Variants in R3HDM1 observed in about 807,000 individuals in gnomAD.
R3HDM1 encodes the protein R3H domain-containing protein 1.
Under a neutral mutation model 141.1 loss-of-function variants are expected in R3HDM1, and 46 were observed. The observed-to-expected ratio is 0.33, with a 90% CI of 0.26 to 0.42. The LOEUF (loss-of-function observed/expected upper bound fraction) is 0.42. R3HDM1 is among the 10% of genes least tolerant of loss of function. The pLI is 1.00. For synonymous variants in R3HDM1, 435 were observed against 472.9 expected (o/e 0.92, Z 1.04); for missense variants, 1,184 against 1,368.3 (o/e 0.87, Z 2.12).
rs149682561 is a variant in R3HDM1 at position 135,676,116 on chromosome 2, A to G, written c.2307+630A>G. ...CTAGGCAGGCAGATTACTTGAGATCAAGAGTTCCAGGTCAGCCTGGCCAAC... is the reference window on the plus strand; with the variant it reads ...CTAGGCAGGCAGATTACTTGAGATCGAGAGTTCCAGGTCAGCCTGGCCAAC... On this transcript the variant is annotated intron_variant, in intron 20 of 26. Coordinates refer to ENST00000683871, the MANE Select transcript of R3HDM1 (RefSeq NM_001378107.1). Among the ~76,000 whole-genome samples the G allele has an allele frequency of 9.0e-3, 1,374 of 152,354 alleles. 21 individuals are homozygous for G. The highest frequency in any genetic ancestry group is 0.03 in the African/African-American group (1,239 of 41,588).
chr2:135,678,089 C>G (rs1409541754), intron 20 of R3HDM1, among the ~76,000 whole-genome samples: 1 of 152,060 alleles, frequency 6.6e-6, no homozygotes, highest in Non-Finnish European at 1.5e-5. Flanking sequence ...TTCAGCCTCC[C>G]TAGTAGCTGG....
chr2:135,629,129 CA>C (rs2062368736), intron 7 of R3HDM1, among the ~76,000 whole-genome samples: 1 of 151,844 alleles, frequency 6.6e-6, no homozygotes, highest in African/African-American at 2.4e-5. Context: ...CCAGCCTGGA[CA>C]ATGTGGTGAA....
At chr2:135,541,735 T>C (rs928426586) in intron 1 of R3HDM1, among the ~76,000 whole-genome samples, 3 of 151,818 alleles carry the variant, frequency 2.0e-5, no homozygotes, top group Non-Finnish European at 4.4e-5. Flanking sequence ...TGAAAGAGTT[T>C]GAAATATTGC....
chr2:135,647,204 TTACA>T (rs2064560516), intron 16 of R3HDM1, among the ~76,000 whole-genome samples: 1 of 152,200 alleles, frequency 6.6e-6, no homozygotes, highest in Admixed American at 6.5e-5. Context: ...TCCCATTTGG[TTACA>T]TACAATGAGC....
rs141620842 is a variant in R3HDM1, at chr2:135,571,606, G to A, written c.-249-30894G>A. ...CTCCCAAAGTGCTAGGATTACAGACGTGAGCCACTGCACCCGGCCTAATTT... is the reference window on the plus strand; with the variant it reads ...CTCCCAAAGTGCTAGGATTACAGACATGAGCCACTGCACCCGGCCTAATTT... On this transcript the variant is annotated intron_variant, in intron 1 of 26. Coordinates refer to ENST00000683871, the MANE Select transcript of R3HDM1 (RefSeq NM_001378107.1). Among the ~76,000 whole-genome samples, 1,100 of 151,316 alleles carry A rather than the reference G, an allele frequency of 7.3e-3. 11 individuals carry two copies. The highest frequency in any genetic ancestry group is 0.025 in the African/African-American group (1,042 of 41,154).
chr2:135,550,617 A>G (rs1177798430), intron 1 of R3HDM1, among the ~76,000 whole-genome samples: 2 of 152,244 alleles, frequency 1.3e-5, no homozygotes, highest in African/African-American at 4.8e-5. Context: ...CACCAAGGTC[A>G]CAGAAATGGC....
chr2:135,677,452 C>G (rs1319632509), intron 20 of R3HDM1, among the ~76,000 whole-genome samples: 3 of 152,162 alleles, frequency 2.0e-5, no homozygotes, highest in Non-Finnish European at 4.4e-5. Context: ...TCTGGTTCTA[C>G]TATCTAATCC....
intron 1 of R3HDM1, among the ~76,000 whole-genome samples, chr2:135,535,689 A>G (rs1030040242): frequency 6.6e-6 from 1 of 152,138 alleles, no homozygotes; most frequent in Non-Finnish European, 1.5e-5. Flanking sequence ...ATTAAATCGT[A>G]TAATTAAACA....
At chr2:135,677,135 ATATTC>A (rs2069324871) in intron 20 of R3HDM1, among the ~76,000 whole-genome samples, 1 of 152,246 alleles carries the variant, frequency 6.6e-6, no homozygotes, top group African/African-American at 2.4e-5. Flanking sequence ...AGGTGCAAGC[ATATTC>A]CATATAATTT....
chr2:135,715,605 C>T lies in R3HDM1; in HGVS notation c.2792C>T (p.Ala931Val). Reference sequence around the variant, plus strand: ...TCACCAGCTCAGTCGCCAGCACCAGCTCAGCTGTCCACCCTGAAAACTGTA... The same window carrying T: ...TCACCAGCTCAGTCGCCAGCACCAGTTCAGCTGTCCACCCTGAAAACTGTA... ...IISPAQSPAPAQLSTLKTVRP... is the reference protein window; with the variant it reads ...IISPAQSPAPVQLSTLKTVRP... The change falls in exon 24 of 27, where the codon GCT (alanine) becomes GTT (valine). Residue 931 changes from alanine (A) to valine (V), a missense_variant. Ala to Val is a moderately conservative substitution (Grantham distance 64, BLOSUM62 0). Coordinates refer to ENST00000683871, the MANE Select transcript of R3HDM1 (RefSeq NM_001378107.1). 2 of 1,614,130 alleles carry T rather than the reference C, an allele frequency of 1.2e-6. No homozygotes were observed. Among genetic ancestry groups the T allele is most frequent in the Non-Finnish European group, 1.7e-6 (2 of 1,179,972 alleles).
At position 135,566,628 on chromosome 2, in the gene R3HDM1, A is replaced by G. The variant is rs1014017172; in HGVS notation, c.-250+34995A>G. 4.7e-5 allele frequency: 17 copies of G among 364,312 alleles called. No individual in the cohort carries two copies. The Admixed American group carries it at 9.7e-4, about 21-fold the overall frequency. 22.6% of individuals were successfully genotyped at this position (364,312 alleles called of 1,614,324 possible). On this transcript the variant is annotated intron_variant, in intron 1 of 26. Transcript: ENST00000683871. The stretch of plus-strand genomic sequence containing the variant: ...GTGCTTCTGTCAGCATTACCAGTAT[A>G]TTTTCTTCTTCAGGTTAATCTGCAT...
At chr2:135,668,561 C>A (rs992969519) in intron 19 of R3HDM1, among the ~76,000 whole-genome samples, 1 of 152,202 alleles carries the variant, frequency 6.6e-6, no homozygotes, top group African/African-American at 2.4e-5. Context: ...TAGAACAGTT[C>A]TTCAGACCCT....
chr2:135,601,344 A>C (rs944006270), intron 1 of R3HDM1, among the ~76,000 whole-genome samples: 1 of 152,192 alleles, frequency 6.6e-6, no homozygotes, highest in African/African-American at 2.4e-5. Context: ...AAAGTAATGT[A>C]AGGATATATC....
intron 9 of R3HDM1, among the ~76,000 whole-genome samples, 180 bp from the exon 10 acceptor site, chr2:135,635,710 A>G (rs531466305): frequency 2.0e-5 from 3 of 152,352 alleles, no homozygotes; most frequent in African/African-American, 7.2e-5. Context: ...AACATGGAAT[A>G]GTTAGTATTT....
chr2:135,697,799 A>G (rs1448202399), intron 21 of R3HDM1, among the ~76,000 whole-genome samples: 2 of 152,162 alleles, frequency 1.3e-5, no homozygotes, highest in Non-Finnish European at 2.9e-5. Context: ...CACGCCTGTA[A>G]TCCCAGCACT....
chr2:135,715,416 T>C (rs1264079192), intron 23 of R3HDM1, 134 bp from the exon 24 acceptor site: 2 of 969,626 alleles, frequency 2.1e-6, no homozygotes, highest in Non-Finnish European at 2.9e-6. Context: ...AGTGTTTATT[T>C]TGGGGAGTTG....
At chr2:135,666,382 TA>T (rs1391604190) in intron 19 of R3HDM1, among the ~76,000 whole-genome samples, 2 of 152,234 alleles carry the variant, frequency 1.3e-5, no homozygotes, top group African/African-American at 2.4e-5. Flanking sequence ...TGTAAATTAC[TA>T]GGTAGTGGCT....
intron 2 of R3HDM1, among the ~76,000 whole-genome samples, chr2:135,604,569 A>G (rs1254834733): frequency 6.6e-6 from 1 of 152,208 alleles, no homozygotes; most frequent in Non-Finnish European, 1.5e-5. Context: ...AGCTGGGACT[A>G]CAGCTGGGTA....
intron 21 of R3HDM1, among the ~76,000 whole-genome samples, chr2:135,699,055 A>T (rs1395239701): frequency 0.026 from 3,515 of 132,718 alleles, 147 homozygotes; most frequent in African/African-American, 0.058. Context: ...AAGATAGATA[A>T]GATAGATTGA....
Sources: allele counts gnomAD v4.1 joint callset (sites outside exome capture counted in the v4.1 genomes callset), GRCh38; gene constraint gnomAD v4.1.1; transcripts MANE v1.5; gene names NCBI Gene and HGNC (gene_info 2026-07-23, HGNC 2026-07-21).